The following CAMK2B variants were observed in gnomAD, a reference collection of about 807,000 sequenced individuals.
The protein encoded by CAMK2B is calcium/calmodulin dependent protein kinase II beta.
In CAMK2B, 27 loss-of-function variants were observed where a neutral mutation model predicts 93.7. The observed-to-expected ratio is 0.29, with a 90% CI of 0.21 to 0.40. The LOEUF is 0.40. Ranked by LOEUF, CAMK2B falls within the 10% of genes least tolerant of loss-of-function variation. The pLI is 1.00. For missense variants in CAMK2B, 568 were observed against 895.8 expected (o/e 0.63, Z 4.67); for synonymous variants, 374 against 358.8 (o/e 1.04, Z -0.48).
At chr7:44,219,762 G>A (rs993490012) in intron 23 of CAMK2B, among the ~76,000 whole-genome samples, 5 of 152,208 alleles carry the variant, frequency 3.3e-5, no homozygotes, top group Non-Finnish European at 7.4e-5. Context: ...CACAAACAGG[G>A]CATGGTGCCC....
rs1334939354 is a variant in CAMK2B, at chr7:44,217,546, C to G, written c.*1979G>C. On this transcript the variant is annotated 3_prime_UTR_variant, in exon 24 of 24. Coordinates refer to ENST00000395749, the MANE Select transcript of CAMK2B (RefSeq NM_001220.5). ...GTGCTGTCCGTGGTGAGCCCTGCCG[C>G]TGTCCCATGGCCCAGGGAGCCACTG... is the stretch of plus-strand genomic sequence containing the variant. The G allele has an allele frequency of 6.6e-6, 1 of 152,364 alleles. No homozygotes were observed. Among genetic ancestry groups the G allele is most frequent in the Non-Finnish European group, 1.5e-5 (1 of 68,164 alleles). 9.4% of individuals were successfully genotyped at this position (152,364 alleles called of 1,614,324 possible).
At chr7:44,303,631 T>C (rs1790696217) in intron 1 of CAMK2B, among the ~76,000 whole-genome samples, 1 of 152,174 alleles carries the variant, frequency 6.6e-6, no homozygotes, top group Non-Finnish European at 1.5e-5. Flanking sequence ...AAATGTAAAA[T>C]GCAAAACTTT....
rs1317099616 is a variant in CAMK2B, at chr7:44,239,625, C to T, written c.985G>A (p.Ala329Thr). Residue 329 changes from alanine (A) to threonine (T), a missense_variant, in exon 13 of 24, where the codon GCG (alanine) becomes ACG (threonine). This residue lies in a region of CAMK2B where 308 missense variants were observed against 292.1 expected (regional missense o/e 1.05). Coordinates refer to ENST00000395749, the MANE Select transcript of CAMK2B (RefSeq NM_001220.5). ...QTTAPATMST[A>T]ASGTTMGLVE... is the part of the protein sequence containing the mutation. Reference sequence around the variant, plus strand: ...AGCCCCATGGTGGTGCCGGAGGCCGCGGTGGACATTGTGGCCGGAGCGGTG... The same window carrying T: ...AGCCCCATGGTGGTGCCGGAGGCCGTGGTGGACATTGTGGCCGGAGCGGTG... 17 of 1,476,620 alleles carry T rather than the reference C, an allele frequency of 1.2e-5. 1 individual carries two copies. Among genetic ancestry groups the T allele is most frequent in the East Asian group, 5.7e-5 (2 of 34,858 alleles). 91.5% of individuals were successfully genotyped at this position (1,476,620 alleles called of 1,614,324 possible). A position where few individuals can be genotyped will look rare whatever the true frequency, so the allele number is the denominator to read the frequency against.
At chr7:44,249,247 ATGGCTGGCTGGC>A (rs561710082) in intron 5 of CAMK2B, among the ~76,000 whole-genome samples, 5 of 152,158 alleles carry the variant, frequency 3.3e-5, no homozygotes, top group African/African-American at 1.2e-4. Context: ...GAGCCTAAGC[ATGGCTGGCTGGC>A]TGGCTGGGGT....
At chr7:44,325,334 C>T in intron 1 of CAMK2B, 23 bp downstream of exon 1, 3 of 1,221,910 alleles carry the variant, frequency 2.5e-6, no homozygotes, top group Admixed American at 2.9e-5. Flanking sequence ...CCCGGCCCAG[C>T]CCGCGCGCGC....
intron 1 of CAMK2B, among the ~76,000 whole-genome samples, chr7:44,308,920 G>A (rs774684970): frequency 7.2e-5 from 11 of 152,170 alleles, no homozygotes; most frequent in African/African-American, 1.7e-4. Flanking sequence ...CCTGCCAGCC[G>A]GAAGGCCCAG....
At chr7:44,251,492 G>C (rs573233064) in intron 5 of CAMK2B, among the ~76,000 whole-genome samples, 6 of 152,336 alleles carry the variant, frequency 3.9e-5, no homozygotes, top group African/African-American at 1.4e-4. Flanking sequence ...GCCCCATGCT[G>C]AGGCTGTCGC....
chr7:44,289,060 C>G (rs994365566), intron 1 of CAMK2B, among the ~76,000 whole-genome samples: 62 of 152,308 alleles, frequency 4.1e-4, no homozygotes, highest in Non-Finnish European at 7.9e-4. Context: ...TCCTCTGGCT[C>G]CACAACAGAC....
chr7:44,229,288 G>C, intron 18 of CAMK2B, 100 bp downstream of exon 18: 1 of 763,298 alleles, frequency 1.3e-6, no homozygotes, highest in Non-Finnish European at 2.1e-6. Flanking sequence ...GCTGGAGCCA[G>C]GGTCCACGCT....
At chr7:44,244,729 G>A (rs1205693617) in intron 6 of CAMK2B, among the ~76,000 whole-genome samples, 3 of 151,812 alleles carry the variant, frequency 2.0e-5, no homozygotes, top group Admixed American at 6.6e-5. Context: ...CTATCCCCAT[G>A]TGGAAAGACT....
At chr7:44,291,967 C>T (rs1056354231) in intron 1 of CAMK2B, among the ~76,000 whole-genome samples, 1 of 152,244 alleles carries the variant, frequency 6.6e-6, no homozygotes, top group African/African-American at 2.4e-5. Context: ...AAAGTCTTAA[C>T]TTATCCATGC....
chr7:44,284,943 G>A (rs1784649366), intron 1 of CAMK2B, among the ~76,000 whole-genome samples: 1 of 152,160 alleles, frequency 6.6e-6, no homozygotes, highest in South Asian at 2.1e-4. Flanking sequence ...GGAGGGACGG[G>A]GGACAGAGGG....
At chr7:44,233,451 C>CA (rs530334171) in intron 15 of CAMK2B, among the ~76,000 whole-genome samples, 186 of 152,264 alleles carry the variant, frequency 1.2e-3, no homozygotes, top group African/African-American at 4.2e-3. Context: ...TCCTGGGTCT[C>CA]AAGGTGGCCA....
intron 17 of CAMK2B, 150 bp from the exon 18 acceptor site, chr7:44,229,651 T>G: frequency 6.2e-6 from 3 of 480,648 alleles, no homozygotes; most frequent in Non-Finnish European, 3.6e-6. Flanking sequence ...TGGCCACCTG[T>G]GGGGGTCCTG....
At chr7:44,252,780 A>T (rs1029194264) in intron 5 of CAMK2B, among the ~76,000 whole-genome samples, 11 of 152,160 alleles carry the variant, frequency 7.2e-5, no homozygotes, top group African/African-American at 2.7e-4. Flanking sequence ...GCTCTGTGAC[A>T]TATCTCACCC....
Position 44,241,739 on chromosome 7 carries a change from C to T in CAMK2B, c.864G>A (p.Val288=). Residue 288 remains valine (V), a synonymous_variant, in exon 11 of 24, where the codon GTG becomes GTA. Transcript: ENST00000395749. ...VASMMHRQET[V]ECLKKFNARR... ...TGGCATTGAACTTTTTCAGACACTC[C>T]ACAGTCTCCTGTCTGTGCATCATGG... 1 of 1,613,894 alleles carries T rather than the reference C, an allele frequency of 6.2e-7. No individual in the cohort carries two copies. The highest frequency in any genetic ancestry group is 1.7e-5 in the Admixed American group (1 of 60,020).
rs537596703 is a variant in CAMK2B at position 44,261,655 on chromosome 7, AC to A, written c.220+1349del. 7.5e-3 allele frequency among the ~76,000 whole-genome samples: 1,138 copies of A among 152,318 alleles called. 4 individuals are homozygous for A. The highest frequency in any genetic ancestry group is 0.013 in the Non-Finnish European group (881 of 68,032). The stretch of plus-strand genomic sequence containing the variant: ...ATGCATGTGGACACTTTAAAAAAAA[AC>A]ATTTTTAACTTTTTAAAAATAGTTA... On this transcript the variant is annotated intron_variant, in intron 3 of 23. Transcript: ENST00000395749.
intron 3 of CAMK2B, among the ~76,000 whole-genome samples, chr7:44,262,328 C>T (rs952170030): frequency 2.0e-5 from 3 of 152,204 alleles, no homozygotes; most frequent in Non-Finnish European, 2.9e-5. Flanking sequence ...GTCCCTAGGG[C>T]GTTTCCTGGC....
chr7:44,284,015 TG>T, intron 2 of CAMK2B, 115 bp downstream of exon 2: 2 of 694,138 alleles, frequency 2.9e-6, no homozygotes, highest in Non-Finnish European at 2.5e-6. Flanking sequence ...ACAGGCAGGG[TG>T]GGCCAAGTGC....
Sources: gnomAD v4.1 joint callset for allele counts (sites outside exome capture counted in the v4.1 genomes callset) on GRCh38, gnomAD v4.1.1 for gene constraint, gnomAD v4.1.1 regional missense constraint, MANE v1.5 for transcripts, NCBI Gene and HGNC (gene_info 2026-07-23, HGNC 2026-07-21) for gene names.